The following EDC3 variants were observed in gnomAD, a reference collection of about 807,000 sequenced individuals.
EDC3 encodes the protein enhancer of mRNA decapping 3, also known as enhancer of mRNA-decapping protein 3.
In EDC3, 20 loss-of-function variants were observed where a neutral mutation model predicts 41.8. The ratio of observed to expected loss-of-function variants is 0.48; its 90% CI spans 0.34 to 0.70. EDC3 has a LOEUF of 0.70. Among genes scored for constraint, EDC3 ranks in the 30% least tolerant of loss-of-function variants. EDC3 has a pLI of 0.01. For synonymous variants in EDC3, 206 were observed against 243.2 expected, an observed-to-expected ratio of 0.85 and a Z score of 1.42; for missense variants, 444 against 636.8, an observed-to-expected ratio of 0.70 and a Z score of 3.26.
Position 74,632,405 on chromosome 15 carries a change from C to T in EDC3, c.*207G>A. The T allele has an allele frequency of 1.6e-6, 1 of 636,308 alleles. No individual in the cohort carries two copies. The highest frequency in any genetic ancestry group is 3.0e-5 in the Admixed American group (1 of 33,652). The allele number at this position is 636,308 out of a possible 1,614,324, so 39.4% of individuals were successfully genotyped here. ...TGCCTGGAGTTGCTGCACGCTCAGC[C>T]TGCCACCCAGCCCGGAACCCAGTGG... On this transcript the variant is annotated 3_prime_UTR_variant, in exon 7 of 7. Transcript: ENST00000315127. This position sits in a 1 kb window ranked among gnomAD's most constrained non-coding sequence, Gnocchi z 4.0.
intron 6 of EDC3, among the ~76,000 whole-genome samples, chr15:74,633,721 T>G (rs1258127621): frequency 6.6e-6 from 1 of 152,168 alleles, no homozygotes; most frequent in Non-Finnish European, 1.5e-5. Flanking sequence ...CTGGAGCAGC[T>G]GGGATAGGAA....
At chr15:74,678,919 A>G (rs536125416) in intron 1 of EDC3, among the ~76,000 whole-genome samples, 1 of 150,068 alleles carries the variant, frequency 6.7e-6, no homozygotes, top group East Asian at 2.0e-4. Context: ...GGCTGGGCAC[A>G]GTGGTTCACA....
In EDC3 at chr15:74,632,967, A is replaced by G. The variant is rs767468142; in HGVS notation, c.1193-21T>C. The stretch of plus-strand genomic sequence containing the variant: ...CAGATCTGCAGGTGGAAAGAGTGCC[A>G]TCTGAAAGTCCCTATGAGCAGAGAG... On this transcript the variant is annotated intron_variant, in intron 6 of 6. Coordinates refer to ENST00000315127, the MANE Select transcript of EDC3 (RefSeq NM_025083.5). This position sits in a 1 kb window ranked among gnomAD's most constrained non-coding sequence, Gnocchi z 4.0. The G allele has an allele frequency of 2.5e-6, 4 of 1,610,100 alleles. No homozygotes were observed. Among genetic ancestry groups the G allele is most frequent in the Non-Finnish European group, 2.5e-6 (3 of 1,177,204 alleles).
At chr15:74,668,512 A>G (rs983327192) in intron 3 of EDC3, among the ~76,000 whole-genome samples, 4 of 152,270 alleles carry the variant, frequency 2.6e-5, no homozygotes, top group Admixed American at 6.5e-5. Context: ...TGCTAAAAGA[A>G]AAAAGATTTT....
chr15:74,660,400 AC>A (rs1436803208), intron 3 of EDC3, among the ~76,000 whole-genome samples: 2 of 142,234 alleles, frequency 1.4e-5, no homozygotes, highest in Non-Finnish European at 3.0e-5. Flanking sequence ...ACAGAGTGAG[AC>A]TCCGTCTCCA....
At chr15:74,683,000 C>T (rs2062892138) in intron 1 of EDC3, among the ~76,000 whole-genome samples, 1 of 151,748 alleles carries the variant, frequency 6.6e-6, no homozygotes, top group Admixed American at 6.6e-5. Flanking sequence ...CCATTCTGGG[C>T]AACAAGAGCG....
At chr15:74,648,373 C>T (rs2062441133) in intron 4 of EDC3, among the ~76,000 whole-genome samples, 1 of 152,162 alleles carries the variant, frequency 6.6e-6, no homozygotes, top group Non-Finnish European at 1.5e-5. Flanking sequence ...AATGGAATGC[C>T]AGCTGTGAAA....
chr15:74,652,004 A>G (rs2062486051), intron 4 of EDC3, among the ~76,000 whole-genome samples: 1 of 152,216 alleles, frequency 6.6e-6, no homozygotes, highest in Non-Finnish European at 1.5e-5. Flanking sequence ...TCATGACTGC[A>G]CGGCTGACTG....
At chr15:74,646,044 T>TTTG (rs757224888) in intron 4 of EDC3, among the ~76,000 whole-genome samples, 217 of 150,994 alleles carry the variant, frequency 1.4e-3, no homozygotes, top group African/African-American at 5.2e-3. Context: ...TCCCAGTCTT[T>TTTG]TTGTTGTTGT....
chr15:74,640,373 G>A, intron 5 of EDC3, 93 bp downstream of exon 5: 2 of 1,389,750 alleles, frequency 1.4e-6, no homozygotes, highest in East Asian at 2.3e-5. Flanking sequence ...ACTGCCTAAT[G>A]AACTCGTATG....
intron 3 of EDC3, among the ~76,000 whole-genome samples, chr15:74,663,001 G>C (rs953673911): frequency 3.3e-5 from 5 of 152,184 alleles, no homozygotes; most frequent in African/African-American, 9.7e-5. Context: ...AAAAGCATGA[G>C]CTGGCCTGGC....
chr15:74,686,436 G>A (rs2062938890), intron 1 of EDC3, among the ~76,000 whole-genome samples: 1 of 152,002 alleles, frequency 6.6e-6, no homozygotes, highest in Admixed American at 6.6e-5. Context: ...GCAGTGAGCT[G>A]AGATCACACC....
chr15:74,684,093 T>G (rs1282115921), intron 1 of EDC3, among the ~76,000 whole-genome samples: 2 of 149,252 alleles, frequency 1.3e-5, no homozygotes, highest in Non-Finnish European at 3.0e-5. Context: ...TGTTTTTTTT[T>G]TTTTTTTTTT....
chr15:74,679,779 A>C (rs1434279086), intron 1 of EDC3: 2 of 149,870 alleles, frequency 1.3e-5, no homozygotes, highest in African/African-American at 2.5e-5. Context: ...AAAAAAAAAA[A>C]AAACAGGTGT....
intron 3 of EDC3, among the ~76,000 whole-genome samples, chr15:74,667,167 A>C (rs545326356): frequency 6.6e-6 from 1 of 152,194 alleles, no homozygotes; most frequent in South Asian, 2.1e-4. Context: ...GAAGTAACAG[A>C]CAAGCAAAAG....
At chr15:74,639,163 T>C (rs1352670609) in intron 5 of EDC3, 2 of 152,230 alleles carry the variant, frequency 1.3e-5, no homozygotes, top group African/African-American at 4.8e-5. Flanking sequence ...TTTTGCAGTT[T>C]TCTACCTGAT....
intron 1 of EDC3, among the ~76,000 whole-genome samples, chr15:74,694,035 A>T (rs924145623): frequency 1.3e-5 from 2 of 151,926 alleles, no homozygotes; most frequent in Non-Finnish European, 2.9e-5. Flanking sequence ...ATTCTGACAC[A>T]CTATCATTAT....
chr15:74,644,796 C>A (rs2062394365), intron 4 of EDC3: 1 of 151,998 alleles, frequency 6.6e-6, no homozygotes, highest in South Asian at 2.1e-4. Context: ...CTTTAAGAGG[C>A]AAAGAACTGC....
In EDC3 at chr15:74,658,211, C is replaced by T. The variant is rs559097247; in HGVS notation, c.485-2143G>A. The stretch of plus-strand genomic sequence containing the variant: ...ATGGAATGTACTTCCTTCTGAAAGA[C>T]TGGGCTCTTCAATTACTGAAAACAC... On this transcript the variant is annotated intron_variant, in intron 3 of 6. Coordinates refer to ENST00000315127, the MANE Select transcript of EDC3 (RefSeq NM_025083.5). 2.0e-5 allele frequency among the ~76,000 whole-genome samples: 3 copies of T among 152,308 alleles called. No homozygotes were observed. In the East Asian group the frequency reaches 5.8e-4, roughly 29 times the overall value.
Sources: allele counts gnomAD v4.1 joint callset (sites outside exome capture counted in the v4.1 genomes callset), GRCh38; gene constraint gnomAD v4.1.1; non-coding constraint Gnocchi (gnomAD v3.1); transcripts MANE v1.5; gene names NCBI Gene and HGNC (gene_info 2026-07-23, HGNC 2026-07-21).